Variants in ASIC2 observed in about 807,000 individuals in gnomAD.
ASIC2 encodes the protein acid sensing ion channel subunit 2, also known as acid-sensing ion channel 2.
A neutral mutation model predicts 57.3 loss-of-function variants in ASIC2; 25 were observed. The observed-to-expected ratio is 0.44, with a 90% CI of 0.32 to 0.61. ASIC2 has a LOEUF of 0.61. Ranked by LOEUF, ASIC2 falls within the 20% of genes least tolerant of loss-of-function variation. The probability of loss-of-function intolerance (pLI) is 0.06; values close to 1 mark genes in which losing one functional copy is unlikely to be tolerated. For synonymous variants in ASIC2, 319 were observed against 307.5 expected (o/e 1.04, Z -0.39); for missense variants, 641 against 738.1 (o/e 0.87, Z 1.52).
intron 1 of ASIC2, among the ~76,000 whole-genome samples, chr17:33,559,087 T>C (rs1387655662): frequency 6.6e-6 from 1 of 152,186 alleles, no homozygotes; most frequent in Non-Finnish European, 1.5e-5. Context: ...AGGCATGGCT[T>C]TCTGATGTCT....
chr17:34,125,006 G>A (rs1911735939), intron 1 of ASIC2, among the ~76,000 whole-genome samples: 1 of 149,922 alleles, frequency 6.7e-6, no homozygotes, highest in Non-Finnish European at 1.5e-5. Flanking sequence ...GGACTTCTAT[G>A]TATGTCATCT....
chr17:33,748,858 G>A (rs943441681), intron 1 of ASIC2, among the ~76,000 whole-genome samples: 3 of 152,218 alleles, frequency 2.0e-5, no homozygotes, highest in Non-Finnish European at 4.4e-5. Context: ...GCATGCATGC[G>A]AGAGCCACGC....
chr17:34,033,278 A>ATG (rs1907704268), intron 1 of ASIC2, among the ~76,000 whole-genome samples: 1 of 152,176 alleles, frequency 6.6e-6, no homozygotes, highest in Non-Finnish European at 1.5e-5. Context: ...GGTGCACATC[A>ATG]AAATGAAGGC....
chr17:34,134,860 C>T (rs767843026), intron 1 of ASIC2, among the ~76,000 whole-genome samples: 2 of 152,198 alleles, frequency 1.3e-5, no homozygotes, highest in Non-Finnish European at 2.9e-5. Flanking sequence ...GGGGCCACCC[C>T]CTACCTTCGC....
intron 3 of ASIC2, among the ~76,000 whole-genome samples, chr17:33,037,277 A>G (rs569327360): frequency 6.6e-6 from 1 of 152,110 alleles, no homozygotes; most frequent in Non-Finnish European, 1.5e-5. Context: ...ACTTTGGGGG[A>G]AACTCGTTTC....
intron 1 of ASIC2, among the ~76,000 whole-genome samples, chr17:34,010,201 G>A (rs957034231): frequency 2.0e-5 from 3 of 152,182 alleles, no homozygotes; most frequent in Non-Finnish European, 4.4e-5. Context: ...CTTAGGTTGG[G>A]CTTTACCCAG....
intron 1 of ASIC2, among the ~76,000 whole-genome samples, chr17:33,654,978 A>T (rs540062641): frequency 5.1e-4 from 77 of 152,302 alleles, no homozygotes; most frequent in Middle Eastern, 3.4e-3. Context: ...CAAATAAAAC[A>T]ACAAAAAAAG....
At chr17:33,818,338 TA>T (rs905953750) in intron 1 of ASIC2, among the ~76,000 whole-genome samples, 1 of 152,204 alleles carries the variant, frequency 6.6e-6, no homozygotes, top group African/African-American at 2.4e-5. Flanking sequence ...TTATTATGAA[TA>T]AACCTTTTGC....
intron 1 of ASIC2, among the ~76,000 whole-genome samples, chr17:33,873,382 C>G (rs932108277): frequency 3.3e-5 from 5 of 152,166 alleles, no homozygotes; most frequent in African/African-American, 1.2e-4. Context: ...CCTACTTAAG[C>G]TACAGTGGTC....
intron 2 of ASIC2, among the ~76,000 whole-genome samples, chr17:33,106,532 C>G (rs2092235205): frequency 2.0e-5 from 3 of 152,170 alleles, no homozygotes; most frequent in African/African-American, 7.2e-5. Context: ...TCAGACGTAA[C>G]CCACCCTCAA....
intron 1 of ASIC2, among the ~76,000 whole-genome samples, chr17:34,062,361 G>A (rs1428770858): frequency 3.3e-5 from 5 of 152,066 alleles, no homozygotes; most frequent in Admixed American, 1.3e-4. Flanking sequence ...AAACCTTTGG[G>A]ATGCAGCAAA....
At chr17:34,066,772 C>A (rs1001348084) in intron 1 of ASIC2, among the ~76,000 whole-genome samples, 5 of 152,160 alleles carry the variant, frequency 3.3e-5, no homozygotes, top group Non-Finnish European at 7.3e-5. Context: ...CCAAAGTGGA[C>A]TGCTTTGGGT....
At chr17:33,825,579 T>C (rs540724206) in intron 1 of ASIC2, among the ~76,000 whole-genome samples, 1 of 152,224 alleles carries the variant, frequency 6.6e-6, no homozygotes, top group South Asian at 2.1e-4. Context: ...GGGAAAGAAC[T>C]ACCTCCTCTG....
chr17:33,672,979 C>T (rs77411532), intron 1 of ASIC2, among the ~76,000 whole-genome samples: 11 of 152,322 alleles, frequency 7.2e-5, no homozygotes, highest in South Asian at 2.1e-4. Flanking sequence ...TGTTACATAA[C>T]GCCCAGCATG....
chr17:33,627,603 C>T (rs146634574), intron 1 of ASIC2, among the ~76,000 whole-genome samples: 110 of 152,276 alleles, frequency 7.2e-4, no homozygotes, highest in African/African-American at 2.6e-3. Context: ...CTCCTCAACC[C>T]CTGAAGGTGA....
At chr17:33,929,212 T>C (rs550490209) in intron 1 of ASIC2, among the ~76,000 whole-genome samples, 2 of 152,276 alleles carry the variant, frequency 1.3e-5, no homozygotes, top group South Asian at 4.1e-4. Context: ...TCATTAGCTC[T>C]GTTCCCCAGT....
In ASIC2 at chr17:33,231,097, G is replaced by T. The variant is rs765353628; in HGVS notation, c.708+60311C>A. On this transcript the variant is annotated intron_variant, in intron 1 of 9. Transcript: ENST00000225823. ...TGTCCTTAGGGAGCTGAGCATCGAGGTGCAAAGAGCTGGACAGAGGAGTTG... is the reference window on the plus strand; with the variant it reads ...TGTCCTTAGGGAGCTGAGCATCGAGTTGCAAAGAGCTGGACAGAGGAGTTG... Among the ~76,000 whole-genome samples the T allele has an allele frequency of 4.7e-4, 71 of 152,276 alleles. 1 individual carries two copies. The highest frequency in any genetic ancestry group is 2.0e-3 in the Admixed American group (31 of 15,298).
At chr17:33,194,943 T>C (rs912686939) in intron 1 of ASIC2, among the ~76,000 whole-genome samples, 4 of 152,118 alleles carry the variant, frequency 2.6e-5, no homozygotes, top group Non-Finnish European at 1.5e-5. Context: ...AGTTTAATGT[T>C]TGCCACTTCT....
chr17:33,840,267 C>A (rs1249664828), intron 1 of ASIC2, among the ~76,000 whole-genome samples: 3 of 152,160 alleles, frequency 2.0e-5, no homozygotes, highest in Non-Finnish European at 4.4e-5. Flanking sequence ...GCAGACCACA[C>A]ACCAAGTGTT....
Sources: allele counts gnomAD v4.1 joint callset (sites outside exome capture counted in the v4.1 genomes callset), GRCh38; gene constraint gnomAD v4.1.1; transcripts MANE v1.5; gene names NCBI Gene and HGNC (gene_info 2026-07-23, HGNC 2026-07-21).